Variants in RCC2 observed in about 807,000 individuals in gnomAD.
The protein encoded by RCC2 is regulator of chromosome condensation 2, also known as protein RCC2.
Under a neutral mutation model 64.1 loss-of-function variants are expected in RCC2, and 19 were observed. The observed-to-expected ratio is 0.30, with a 90% confidence interval of 0.21 to 0.44. The LOEUF is 0.44. Ranked by LOEUF, RCC2 falls within the 20% of genes least tolerant of loss-of-function variation. The probability of loss-of-function intolerance (pLI) is 1.00; values close to 1 mark genes in which losing one functional copy is unlikely to be tolerated. For synonymous variants in RCC2, 325 were observed against 279.6 expected (o/e 1.16, Z -1.62); for missense variants, 508 against 710.4 (o/e 0.72, Z 3.24).
chr1:17,416,691 A>G, intron 7 of RCC2, 45 bp from the exon 8 acceptor site: 1 of 1,576,162 alleles, frequency 6.3e-7, no homozygotes, highest in Non-Finnish European at 8.6e-7. Flanking sequence ...CACAAGCACA[A>G]GGGACGTGTC....
At chr1:17,421,144 C>T (rs2075551857) in intron 6 of RCC2, among the ~76,000 whole-genome samples, 1 of 152,042 alleles carries the variant, frequency 6.6e-6, no homozygotes, top group Non-Finnish European at 1.5e-5. Flanking sequence ...ATTCTTCTGC[C>T]TTTAGTAGTA....
intron 8 of RCC2, among the ~76,000 whole-genome samples, chr1:17,415,404 G>T (rs1301037280): frequency 6.6e-6 from 1 of 152,176 alleles, no homozygotes; most frequent in Non-Finnish European, 1.5e-5. Flanking sequence ...CCACAGGAAG[G>T]CCATTAAAAT....
rs1223119478 is a variant in RCC2 at position 17,407,621 on chromosome 1, T to C, written c.*1469A>G. The C allele has an allele frequency of 3.9e-5, 6 of 152,478 alleles. No homozygotes were observed. Among genetic ancestry groups the C allele is most frequent in the Middle Eastern group, 3.2e-3 (1 of 316 alleles). The allele number at this position is 152,478 out of a possible 1,614,324, so 9.4% of individuals were successfully genotyped here. A position where few individuals can be genotyped will look rare whatever the true frequency, so the allele number is the denominator to read the frequency against. On this transcript the variant is annotated 3_prime_UTR_variant, in exon 13 of 13. Transcript: ENST00000375436. Reference sequence around the variant, plus strand: ...GGCAGGAGTCACGGTAAGGAGCGACTGGGGTGGAAAATAGGGAAAAAAGCA... The same window carrying C: ...GGCAGGAGTCACGGTAAGGAGCGACCGGGGTGGAAAATAGGGAAAAAAGCA...
intron 2 of RCC2, among the ~76,000 whole-genome samples, chr1:17,434,576 G>T (rs1395006606): frequency 6.6e-6 from 1 of 152,192 alleles, no homozygotes; most frequent in East Asian, 1.9e-4. Flanking sequence ...CGACCCCAAA[G>T]AGGGGGTCAT....
intron 2 of RCC2, among the ~76,000 whole-genome samples, chr1:17,430,146 G>T (rs553736834): frequency 6.6e-6 from 1 of 152,134 alleles, no homozygotes; most frequent in Non-Finnish European, 1.5e-5. Context: ...ATCACTTTCC[G>T]CTCTTACACA....
intron 11 of RCC2, among the ~76,000 whole-genome samples, chr1:17,411,191 C>T (rs1422662558): frequency 6.6e-6 from 1 of 152,088 alleles, no homozygotes; most frequent in East Asian, 1.9e-4. Flanking sequence ...AAACTAAGAC[C>T]ACCAAGAGTT....
At chr1:17,438,163 C>T (rs901285038) in intron 2 of RCC2, 67 bp downstream of exon 2, 70 of 1,086,164 alleles carry the variant, frequency 6.4e-5, no homozygotes, top group Non-Finnish European at 7.8e-5. Context: ...GAACGCGCGC[C>T]GTGCCGCGTC....
chr1:17,437,779 C>T (rs2075753647), intron 2 of RCC2, among the ~76,000 whole-genome samples: 1 of 147,196 alleles, frequency 6.8e-6, no homozygotes, highest in Admixed American at 6.7e-5. Context: ...GAGCGCCGGC[C>T]GCCCCCTCCC....
intron 4 of RCC2, among the ~76,000 whole-genome samples, chr1:17,424,698 T>C (rs537994848): frequency 4.7e-4 from 72 of 152,222 alleles, no homozygotes; most frequent in Non-Finnish European, 9.1e-4. Flanking sequence ...AATGCAGTCA[T>C]ATGGACTAAA....
At chr1:17,419,136 C>T (rs908658612) in intron 7 of RCC2, among the ~76,000 whole-genome samples, 1 of 152,188 alleles carries the variant, frequency 6.6e-6, no homozygotes, top group Admixed American at 6.5e-5. Flanking sequence ...GGGTAGATCA[C>T]TTGAGATCAA....
intron 2 of RCC2, 126 bp downstream of exon 2, chr1:17,438,104 G>C: frequency 1.5e-6 from 1 of 661,270 alleles, no homozygotes; most frequent in Non-Finnish European, 1.9e-6. Flanking sequence ...CGCGGCCTGC[G>C]CCGGCCCGGC....
At chr1:17,415,041 C>T (rs1253009604) in intron 8 of RCC2, among the ~76,000 whole-genome samples, 11 of 152,332 alleles carry the variant, frequency 7.2e-5, no homozygotes, top group Admixed American at 2.0e-4. Flanking sequence ...TCTCGTTTTC[C>T]CATCTTCTGA....
intron 11 of RCC2, among the ~76,000 whole-genome samples, chr1:17,411,347 C>T (rs913344195): frequency 3.3e-5 from 5 of 152,086 alleles, no homozygotes; most frequent in Non-Finnish European, 5.9e-5. Flanking sequence ...GAGGTTGAGG[C>T]GGGTGGATCA....
chr1:17,426,695 T>C (rs11203383), intron 3 of RCC2, among the ~76,000 whole-genome samples: 100,226 of 151,096 alleles, frequency 0.66, 33,482 homozygotes, highest in African/African-American at 0.75. Flanking sequence ...AACCACAGCA[T>C]CTTCCTCACA....
chr1:17,420,778 G>A lies in RCC2; in HGVS notation c.795C>T (p.Phe265=), dbSNP rs779976827. The change falls in exon 7 of 13, where the codon TTC becomes TTT. Residue 265 remains phenylalanine, a synonymous_variant. Transcript: ENST00000375436. The part of the protein sequence containing the change: ...PITKMACGAE[F]SMIMDCKGNL... ...TTCCTTTGCAGTCCATTATCATACT[G>A]AATTCAGCCCCACAGGCCATTTTGG... The A allele has an allele frequency of 6.2e-7, 1 of 1,612,782 alleles. No individual in the cohort carries two copies. Among genetic ancestry groups the A allele is most frequent in the South Asian group, 1.1e-5 (1 of 90,662 alleles).
chr1:17,438,284 C>A lies in RCC2; in HGVS notation c.231G>T (p.Lys77Asn). 7.7e-7 allele frequency: 1 copy of A among 1,299,862 alleles called. No homozygotes were observed. Among genetic ancestry groups the A allele is most frequent in the East Asian group, 4.1e-5 (1 of 24,688 alleles). The allele number at this position is 1,299,862 out of a possible 1,614,324, so 80.5% of individuals were successfully genotyped here. ...KRAARPATAG[K>N]AGGAAVVITE... ...TGATGACCACGGCCGCGCCGCCCGC[C>A]TTGCCTGCTGTCGCCGGCCGCGCCG... Residue 77 changes from lysine (K) to asparagine (N), a missense_variant, in exon 2 of 13, where the codon AAG becomes AAT. By Grantham distance (94) the Lys-to-Asn change is moderately conservative (BLOSUM62 0). Transcript: ENST00000375436.
intron 2 of RCC2, among the ~76,000 whole-genome samples, chr1:17,431,359 A>ATATATATATATATAT (rs1265674393): frequency 5.6e-4 from 25 of 44,928 alleles, no homozygotes; most frequent in African/African-American, 8.5e-4. Context: ...AAAAAAAAAA[A>ATATATATATATATAT]ATATATATAT....
intron 5 of RCC2, 110 bp downstream of exon 5, chr1:17,422,595 T>A: frequency 7.1e-7 from 1 of 1,416,380 alleles, no homozygotes; most frequent in Non-Finnish European, 9.6e-7. Context: ...CTCTTTCTGA[T>A]CCTGACCAAG....
intron 2 of RCC2, among the ~76,000 whole-genome samples, chr1:17,437,743 C>T (rs1046144374): frequency 7.5e-5 from 11 of 147,468 alleles, no homozygotes; most frequent in Non-Finnish European, 1.1e-4. Context: ...ACCTCAAAGC[C>T]CCGGCGCAAA....
Sources: allele counts gnomAD v4.1 joint callset (sites outside exome capture counted in the v4.1 genomes callset), GRCh38; gene constraint gnomAD v4.1.1; transcripts MANE v1.5; gene names NCBI Gene and HGNC (gene_info 2026-07-23, HGNC 2026-07-21).